The following YIF1B variants were observed in gnomAD, a reference collection of about 807,000 sequenced individuals.
YIF1B encodes Yip1 interacting factor homolog B, membrane trafficking protein, also known as protein YIF1B.
Under a neutral mutation model 34.6 loss-of-function variants are expected in YIF1B, and 24 were observed. The ratio of observed to expected loss-of-function variants is 0.69; its 90% CI spans 0.50 to 0.98. YIF1B has a LOEUF of 0.98. YIF1B is among the 50% of genes least tolerant of loss of function. The probability of loss-of-function intolerance (pLI) is 0.00; values close to 1 mark genes in which losing one functional copy is unlikely to be tolerated. For missense variants in YIF1B, 368 were observed against 429.4 expected (o/e 0.86, Z 1.26); for synonymous variants, 186 against 184.8 (o/e 1.01, Z -0.05).
At chr19:38,320,114 C>T, upstream of YIF1B, 1 of 1,575,300 alleles carries the variant, frequency 6.3e-7, no homozygotes, top group Non-Finnish European at 8.6e-7. Flanking sequence ...CCGTGTGTGG[C>T]TGCCCCCGCC....
At chr19:38,311,958 A>C (rs1216269272) in intron 1 of YIF1B, among the ~76,000 whole-genome samples, 1 of 151,222 alleles carries the variant, frequency 6.6e-6, no homozygotes, top group Non-Finnish European at 1.5e-5. Context: ...TGAGCTGGGC[A>C]TGGTGGTGCG....
At chr19:38,315,703 A>G in intron 1 of YIF1B, 157 bp downstream of exon 1, 1 of 1,608,044 alleles carries the variant, frequency 6.2e-7, no homozygotes, top group Non-Finnish European at 8.5e-7. Context: ...ATCGCCCCCC[A>G]AGGGGCCTCC....
chr19:38,315,305 AG>A (rs1315753461), intron 1 of YIF1B: 8 of 922,296 alleles, frequency 8.7e-6, no homozygotes, highest in Middle Eastern at 1.1e-3. Context: ...TGACACCCCT[AG>A]GCTGGGTCAT....
At chr19:38,313,578 A>G (rs11881305) in intron 1 of YIF1B, among the ~76,000 whole-genome samples, 46,745 of 152,084 alleles carry the variant, frequency 0.31, 7,629 homozygotes, top group East Asian at 0.51. Flanking sequence ...CTTTTTAAAT[A>G]CAAATAAGAC....
In YIF1B at chr19:38,304,419, G is replaced by A. The variant is rs532051981; in HGVS notation, c.*933C>T. Reference sequence around the variant, plus strand: ...GAAGCCCGGTGTGGGGGCGGGCCACGGGGGAGATCCCAAGCTCAGTCCCCA... The same window carrying A: ...GAAGCCCGGTGTGGGGGCGGGCCACAGGGGAGATCCCAAGCTCAGTCCCCA... On this transcript the variant is annotated 3_prime_UTR_variant, in exon 8 of 8. Coordinates refer to ENST00000339413, the MANE Select transcript of YIF1B (RefSeq NM_001039672.3). 8 of 1,562,674 alleles carry A rather than the reference G, an allele frequency of 5.1e-6. No homozygotes were observed. The highest frequency in any genetic ancestry group is 3.5e-5 in the South Asian group (3 of 85,402).
chr19:38,311,841 G>A lies in YIF1B; in HGVS notation c.59-2198C>T, dbSNP rs558849381. Among the ~76,000 whole-genome samples the A allele has an allele frequency of 3.3e-5, 5 of 152,350 alleles. No homozygotes were observed. In the South Asian group the frequency reaches 1.0e-3, roughly 32 times the overall value. ...AGGCCAGGCGCAGTGGCTTACGCCTGTAATCCCAGCATTTTGGGAGGCCAA... is the reference window on the plus strand; with the variant it reads ...AGGCCAGGCGCAGTGGCTTACGCCTATAATCCCAGCATTTTGGGAGGCCAA... On this transcript the variant is annotated intron_variant, in intron 1 of 7. Transcript: ENST00000339413.
At chr19:38,318,104 A>C (rs1307862622), upstream of YIF1B, among the ~76,000 whole-genome samples, 3 of 144,316 alleles carry the variant, frequency 2.1e-5, no homozygotes, top group Non-Finnish European at 4.5e-5. Context: ...GAGGCAGGAG[A>C]ATTGCTTGAA....
At chr19:38,320,891 C>T (rs893496861), upstream of YIF1B, among the ~76,000 whole-genome samples, 1 of 152,094 alleles carries the variant, frequency 6.6e-6, no homozygotes. Context: ...CTTGGTGACC[C>T]GGGTCTGTCC....
upstream of YIF1B, among the ~76,000 whole-genome samples, chr19:38,319,618 C>T (rs747613586): frequency 6.6e-6 from 1 of 152,194 alleles, no homozygotes; most frequent in Non-Finnish European, 1.5e-5. Flanking sequence ...ATTCTTCTAA[C>T]ATAGAGAACC....
In YIF1B at chr19:38,307,415, G is replaced by A. The variant is rs758370339; in HGVS notation, c.789+13C>T. The A allele has an allele frequency of 1.1e-5, 18 of 1,613,004 alleles. No individual in the cohort carries two copies. Among genetic ancestry groups the A allele is most frequent in the African/African-American group, 2.7e-5 (2 of 74,768 alleles). ...CCTGTGCCTCAGCCTCACCAGCCCC[G>A]AGCCCAGCTCACCATGAACACAAAG... On this transcript the variant is annotated intron_variant, in intron 7 of 7. Coordinates refer to ENST00000339413, the MANE Select transcript of YIF1B (RefSeq NM_001039672.3).
upstream of YIF1B, chr19:38,315,970 G>T: frequency 7.3e-7 from 1 of 1,375,586 alleles, no homozygotes; most frequent in Admixed American, 3.9e-5. Flanking sequence ...CCCGGCTCCC[G>T]TACCCACGCC....
chr19:38,304,228 C>T lies in YIF1B; in HGVS notation c.*1124G>A, dbSNP rs752128564. The T allele has an allele frequency of 2.5e-6, 4 of 1,612,928 alleles. No homozygotes were observed. Among genetic ancestry groups the T allele is most frequent in the African/African-American group, 1.3e-5 (1 of 74,926 alleles). The stretch of plus-strand genomic sequence containing the variant: ...TCCGCTCCTCTGCAGGGCCCAGGCG[C>T]CCTTGGCCTTAGGACCCAACTTCTC... On this transcript the variant is annotated 3_prime_UTR_variant, in exon 8 of 8. Transcript: ENST00000339413.
chr19:38,306,185 AGAGC>A (rs1383642765), intron 7 of YIF1B, among the ~76,000 whole-genome samples: 1 of 139,590 alleles, frequency 7.2e-6, no homozygotes, highest in African/African-American at 2.7e-5. Flanking sequence ...GCTTCCCGAC[AGAGC>A]GAGACTCTGT....
intron 7 of YIF1B, chr19:38,306,658 A>G (rs1029155585): frequency 1.2e-5 from 3 of 250,150 alleles, no homozygotes; most frequent in African/African-American, 2.4e-5. Context: ...CCTATTTTAC[A>G]AAAGGGGAAA....
chr19:38,314,182 C>T (rs1330338119), intron 1 of YIF1B, among the ~76,000 whole-genome samples: 1 of 150,230 alleles, frequency 6.7e-6, no homozygotes, highest in Non-Finnish European at 1.5e-5. Flanking sequence ...CGCGCCACCA[C>T]GCCCGGCTAA....
chr19:38,307,900 C>T, intron 5 of YIF1B, 148 bp from the exon 6 acceptor site: 1 of 1,144,242 alleles, frequency 8.7e-7, no homozygotes. Context: ...CACGGAAATC[C>T]CATCCAGAGA....
chr19:38,306,769 C>T (rs932205054), intron 7 of YIF1B: 12 of 297,178 alleles, frequency 4.0e-5, no homozygotes, highest in Non-Finnish European at 8.0e-5. Context: ...GCAACCTCCA[C>T]CTCCTGGGTT....
chr19:38,305,110 C>T lies in YIF1B; in HGVS notation c.*242G>A. 1 of 1,453,790 alleles carries T rather than the reference C, an allele frequency of 6.9e-7. No individual in the cohort carries two copies. The highest frequency in any genetic ancestry group is 1.4e-5 in the African/African-American group (1 of 70,290). 90.1% of individuals were successfully genotyped at this position (1,453,790 alleles called of 1,614,324 possible). On this transcript the variant is annotated 3_prime_UTR_variant, in exon 8 of 8. Transcript: ENST00000339413. The stretch of plus-strand genomic sequence containing the variant: ...GTGCGCGAGGCCAAGGAGAGGCTGT[C>T]CACGCCATGCCCATCAGGGTTTATT...
At position 38,304,365 on chromosome 19, in the gene YIF1B, C is replaced by G; in HGVS notation, c.*987G>C. ...GCTGCCTGCACCAACCACCCAACTT[C>G]TCTCCACAGCCCTGGAGCCCACCTC... On this transcript the variant is annotated 3_prime_UTR_variant, in exon 8 of 8. Coordinates refer to ENST00000339413, the MANE Select transcript of YIF1B (RefSeq NM_001039672.3). 6.3e-7 allele frequency: 1 copy of G among 1,598,346 alleles called. No individual in the cohort carries two copies. The highest frequency in any genetic ancestry group is 8.5e-7 in the Non-Finnish European group (1 of 1,173,666).
Sources: allele counts gnomAD v4.1 joint callset (sites outside exome capture counted in the v4.1 genomes callset), GRCh38; gene constraint gnomAD v4.1.1; transcripts MANE v1.5; gene names NCBI Gene and HGNC (gene_info 2026-07-23, HGNC 2026-07-21).